The following UBE2L3 variants were observed in gnomAD, a reference collection of about 807,000 sequenced individuals.
The protein encoded by UBE2L3 is ubiquitin conjugating enzyme E2 L3, also known as ubiquitin-conjugating enzyme E2 L3.
UBE2L3 carries 1 observed loss-of-function variant against 17.8 expected under a neutral mutation model. That is an observed-to-expected ratio of 0.06 (90% CI 0.02 to 0.27). The LOEUF (loss-of-function observed/expected upper bound fraction) is 0.27, where lower values mean the gene tolerates loss of function less well. UBE2L3 is among the 10% of genes least tolerant of loss of function. UBE2L3 has a pLI of 1.00. For synonymous variants in UBE2L3, 44 were observed against 68.5 expected (o/e 0.64, Z 1.76); for missense variants, 40 against 192.6 (o/e 0.21, Z 4.69).
intron 3 of UBE2L3, among the ~76,000 whole-genome samples, chr22:21,614,112 C>A (rs1297928572): frequency 2.0e-5 from 3 of 152,180 alleles, no homozygotes; most frequent in Non-Finnish European, 4.4e-5. Context: ...GCCTGCTTTT[C>A]CCAAATGGCA....
upstream of UBE2L3, among the ~76,000 whole-genome samples, chr22:21,566,719 A>G (rs1926653822): frequency 6.6e-6 from 1 of 151,280 alleles, no homozygotes; most frequent in South Asian, 2.1e-4. Context: ...CCTCCCTCCC[A>G]CCCTATAATC....
chr22:21,620,157 A>G (rs751270995), intron 3 of UBE2L3, among the ~76,000 whole-genome samples: 2 of 152,030 alleles, frequency 1.3e-5, no homozygotes, highest in African/African-American at 2.4e-5. Flanking sequence ...AGCAGTGGCT[A>G]ACACCCGTAA....
chr22:21,581,127 T>C (rs1927609772), intron 1 of UBE2L3, among the ~76,000 whole-genome samples: 1 of 151,036 alleles, frequency 6.6e-6, no homozygotes, highest in Non-Finnish European at 1.5e-5. Context: ...CAATCTTGGC[T>C]TATTGCAACC....
rs1391616903 is a variant in UBE2L3 at position 21,623,548 on chromosome 22, A to G, written c.*1879A>G. On this transcript the variant is annotated 3_prime_UTR_variant, in exon 4 of 4. Coordinates refer to ENST00000342192, the MANE Select transcript of UBE2L3 (RefSeq NM_003347.4). ...TCCAGAAATGTTGCCATTCTTGGAA[A>G]CTGTCCCATTGCTTCGTATTTCTGC... The G allele has an allele frequency of 1.3e-5, 2 of 152,764 alleles. No individual in the cohort carries two copies. Among genetic ancestry groups the G allele is most frequent in the Non-Finnish European group, 1.5e-5 (1 of 68,032 alleles). 9.5% of individuals were successfully genotyped at this position (152,764 alleles called of 1,614,324 possible). A position where few individuals can be genotyped will look rare whatever the true frequency, so the allele number is the denominator to read the frequency against.
intron 2 of UBE2L3, 128 bp downstream of exon 2, chr22:21,593,084 G>T: frequency 1.3e-6 from 1 of 753,484 alleles, no homozygotes; most frequent in South Asian, 1.6e-5. Context: ...AGAAGTGGCT[G>T]TCGCTCTAGG....
rs1930178016 is a variant in UBE2L3, at chr22:21,623,870, C to T, written c.*2201C>T. On this transcript the variant is annotated 3_prime_UTR_variant, in exon 4 of 4. Transcript: ENST00000342192. ...GGAGGGGCGAGCTGTGGAGCAGCCA[C>T]CCACTGCTGCCCCAAGCTCACTCAG... is the stretch of plus-strand genomic sequence containing the variant. 2 of 152,450 alleles carry T rather than the reference C, an allele frequency of 1.3e-5. No individual in the cohort carries two copies. Among genetic ancestry groups the T allele is most frequent in the Admixed American group, 1.3e-4 (2 of 15,294 alleles). The allele number at this position is 152,450 out of a possible 1,614,324, so 9.4% of individuals were successfully genotyped here.
chr22:21,593,013 C>G, intron 2 of UBE2L3, 57 bp downstream of exon 2: 1 of 1,505,378 alleles, frequency 6.6e-7, no homozygotes. Flanking sequence ...GATGTGTGTG[C>G]TGTTGGGCTT....
intron 1 of UBE2L3, among the ~76,000 whole-genome samples, chr22:21,561,043 G>A (rs547767153): frequency 7.2e-4 from 110 of 152,334 alleles, no homozygotes; most frequent in African/African-American, 2.4e-3. Context: ...GAAGGAAGGT[G>A]GGAGGGAGAA....
rs1334865715 is a variant in UBE2L3 at position 21,623,744 on chromosome 22, C to T, written c.*2075C>T. On this transcript the variant is annotated 3_prime_UTR_variant, in exon 4 of 4. Coordinates refer to ENST00000342192, the MANE Select transcript of UBE2L3 (RefSeq NM_003347.4). ...GCCAGTGGGTGTCTCTCCTTTGGGC[C>T]TGGGCGGCTTGCTCCTGCCAGCCAT... The T allele has an allele frequency of 6.5e-6, 1 of 152,864 alleles. No homozygotes were observed. The highest frequency in any genetic ancestry group is 1.5e-5 in the Non-Finnish European group (1 of 68,116). 9.5% of individuals were successfully genotyped at this position (152,864 alleles called of 1,614,324 possible).
At chr22:21,578,604 C>T (rs1927451515) in intron 1 of UBE2L3, among the ~76,000 whole-genome samples, 1 of 152,032 alleles carries the variant, frequency 6.6e-6, no homozygotes, top group East Asian at 1.9e-4. Context: ...CAGGCACACC[C>T]ATGTACAGAT....
At chr22:21,580,411 G>A (rs1404674205) in intron 1 of UBE2L3, among the ~76,000 whole-genome samples, 1 of 152,034 alleles carries the variant, frequency 6.6e-6, no homozygotes, top group Non-Finnish European at 1.5e-5. Flanking sequence ...GCATCTCTTT[G>A]TTTTCTGTTC....
Position 21,610,844 on chromosome 22 carries a change from T to G in UBE2L3, c.124-13T>G, listed in dbSNP as rs752273164. The stretch of plus-strand genomic sequence containing the variant: ...ACCATGGTGTGTTCATTTTGATCTC[T>G]CTTTCCTTCCAGGACAACCCTCCAT... On this transcript the variant is annotated splice_polypyrimidine_tract_variant and intron_variant, in intron 2 of 3. Coordinates refer to ENST00000342192, the MANE Select transcript of UBE2L3 (RefSeq NM_003347.4). 5.0e-6 allele frequency: 8 copies of G among 1,592,548 alleles called. No individual in the cohort carries two copies. The South Asian group carries it at 6.8e-5, about 14-fold the overall frequency.
At position 21,562,035 on chromosome 22, in the gene UBE2L3, C is replaced by A. The variant is rs556317026; in HGVS notation, c.201+12385C>A. Among the ~76,000 whole-genome samples, 915 of 152,128 alleles carry A rather than the reference C, an allele frequency of 6.0e-3. 8 individuals are homozygous for A. Among genetic ancestry groups the A allele is most frequent in the African/African-American group, 0.021 (868 of 41,462 alleles). ...CCTTGTCCTCTTGCCTACTGGGGAA[C>A]TCCTTCCATCCCTGGTTCCTCCCCC... is the stretch of plus-strand genomic sequence containing the variant. On this transcript the variant is annotated intron_variant, in intron 1 of 3. Transcript: ENST00000458578.
At chr22:21,607,352 CAA>C (rs796650803) in intron 2 of UBE2L3, among the ~76,000 whole-genome samples, 2 of 137,800 alleles carry the variant, frequency 1.5e-5, no homozygotes. Flanking sequence ...ACTAAAAATA[CAA>C]AAAAAAAAAA....
At chr22:21,609,118 C>T (rs1352507034) in intron 2 of UBE2L3, among the ~76,000 whole-genome samples, 2 of 151,488 alleles carry the variant, frequency 1.3e-5, no homozygotes, top group African/African-American at 4.8e-5. Context: ...AGGATGGTCT[C>T]GATCTCCTGA....
chr22:21,605,334 C>T (rs1929097177), intron 2 of UBE2L3, among the ~76,000 whole-genome samples: 1 of 152,048 alleles, frequency 6.6e-6, no homozygotes, highest in Admixed American at 6.6e-5. Flanking sequence ...TCTCATGCCT[C>T]AGCCTCCTGA....
intron 2 of UBE2L3, among the ~76,000 whole-genome samples, chr22:21,598,559 TA>T (rs1299687883): frequency 2.8e-5 from 4 of 144,144 alleles, no homozygotes; most frequent in African/African-American, 1.1e-4. Flanking sequence ...TTTTTTTTTT[TA>T]AATAAATAGA....
upstream of UBE2L3, among the ~76,000 whole-genome samples, chr22:21,563,817 C>T (rs566176894): frequency 2.5e-4 from 38 of 151,656 alleles, no homozygotes; most frequent in South Asian, 6.3e-3. Flanking sequence ...CCTTGTGATC[C>T]GCCTGCCTCA....
intron 1 of UBE2L3, among the ~76,000 whole-genome samples, chr22:21,569,326 G>T (rs1210792266): frequency 1.3e-5 from 2 of 150,194 alleles, no homozygotes; most frequent in African/African-American, 4.9e-5. Context: ...AACCCGGCAG[G>T]TGGAGGTTGC....
Sources: allele counts gnomAD v4.1 joint callset (sites outside exome capture counted in the v4.1 genomes callset), GRCh38; gene constraint gnomAD v4.1.1; transcripts MANE v1.5; gene names NCBI Gene and HGNC (gene_info 2026-07-23, HGNC 2026-07-21).